Variants in PIGL observed in about 807,000 individuals in gnomAD.
PIGL encodes N-acetylglucosaminyl-phosphatidylinositol de-N-acetylase.
PIGL carries 22 observed loss-of-function variants against 31.1 expected under a neutral mutation model. That is an observed-to-expected ratio of 0.71 (90% CI 0.51 to 1.01). The LOEUF (loss-of-function observed/expected upper bound fraction) is 1.01. Ranked by LOEUF, PIGL falls within the 50% of genes least tolerant of loss-of-function variation. The pLI, the probability that PIGL is intolerant of heterozygous loss-of-function variation, is 0.00. For missense variants in PIGL, 302 were observed against 315.9 expected, an observed-to-expected ratio of 0.96 and a Z score of 0.33; for synonymous variants, 131 against 117.4, an observed-to-expected ratio of 1.12 and a Z score of -0.75.
chr17:16,294,639 C>T (rs569459684), intron 2 of PIGL, among the ~76,000 whole-genome samples: 3 of 152,260 alleles, frequency 2.0e-5, no homozygotes, highest in Non-Finnish European at 4.4e-5. Flanking sequence ...AGTAAGACAT[C>T]GCCTCTATCT....
intron 6 of PIGL, among the ~76,000 whole-genome samples, chr17:16,320,233 GGA>G (rs2093097898): frequency 1.0e-4 from 11 of 105,340 alleles, no homozygotes; most frequent in African/African-American, 4.8e-4. Flanking sequence ...AAGGAAGGAA[GGA>G]AGGAAGGAAG....
chr17:16,252,284 G>A (rs2092776067), intron 2 of PIGL, among the ~76,000 whole-genome samples: 1 of 151,922 alleles, frequency 6.6e-6, no homozygotes, highest in Admixed American at 6.6e-5. Context: ...ATGTTGGCCA[G>A]GATGGTCTCG....
Position 16,234,000 on chromosome 17 carries a change from A to G in PIGL, c.265A>G (p.Lys89Glu). The G allele has an allele frequency of 6.2e-7, 1 of 1,609,394 alleles. No homozygotes were observed. Among genetic ancestry groups the G allele is most frequent in the Non-Finnish European group, 8.5e-7 (1 of 1,175,772 alleles). The change falls in exon 2 of 7, where the codon AAG becomes GAG. Residue 89 changes from lysine (K) to glutamate (E), a missense_variant. Lys to Glu is a moderately conservative substitution (Grantham distance 56). Transcript: ENST00000225609. ...TTACTACAATCAAGGAGAGACTCGTAAGAAAGAACTTTTGCAGAGCTGTGA... is the reference window on the plus strand; with the variant it reads ...TTACTACAATCAAGGAGAGACTCGTGAGAAAGAACTTTTGCAGAGCTGTGA... ...GNYYNQGETRKKELLQSCDVL... is the reference protein window; with the variant it reads ...GNYYNQGETREKELLQSCDVL...
At chr17:16,234,621 C>T (rs768042196) in intron 2 of PIGL, among the ~76,000 whole-genome samples, 6 of 151,890 alleles carry the variant, frequency 4.0e-5, no homozygotes, top group Non-Finnish European at 7.4e-5. Context: ...AAAAATTAGC[C>T]GGGCGTATTG....
chr17:16,314,242 G>A (rs1301740589), intron 4 of PIGL, among the ~76,000 whole-genome samples: 2 of 152,128 alleles, frequency 1.3e-5, no homozygotes, highest in Non-Finnish European at 2.9e-5. Context: ...GCTTCTCCTG[G>A]GCCCCTGATC....
Position 16,217,354 on chromosome 17 carries a change from C to A in PIGL, c.128C>A (p.Thr43Asn). The change falls in exon 1 of 7, where the codon ACC becomes AAC. Residue 43 changes from threonine to asparagine, a missense_variant. Transcript: ENST00000225609. The part of the protein sequence containing the change: ...QGGRLGAESR[T>N]LLVIAHPDDE... Reference sequence around the variant, plus strand: ...GGACGGCTGGGAGCCGAAAGCCGGACCCTGCTGGTCATAGCGCACCCTGAC... The same window carrying A: ...GGACGGCTGGGAGCCGAAAGCCGGAACCTGCTGGTCATAGCGCACCCTGAC... The A allele has an allele frequency of 6.2e-7, 1 of 1,614,188 alleles. No homozygotes were observed. Among genetic ancestry groups the A allele is most frequent in the Non-Finnish European group, 8.5e-7 (1 of 1,180,044 alleles).
intron 1 of PIGL, among the ~76,000 whole-genome samples, chr17:16,221,749 A>G (rs1252690311): frequency 6.6e-6 from 1 of 152,092 alleles, no homozygotes; most frequent in African/African-American, 2.4e-5. Context: ...CCTCCCAAGT[A>G]GCTGGGATTA....
chr17:16,311,253 G>A (rs572128440), intron 3 of PIGL, among the ~76,000 whole-genome samples: 2 of 148,992 alleles, frequency 1.3e-5, no homozygotes, highest in Admixed American at 6.7e-5. Flanking sequence ...TATTATTTGA[G>A]TTAGCCTTAT....
At chr17:16,300,031 C>A in intron 3 of PIGL, 53 bp downstream of exon 3, 1 of 1,396,234 alleles carries the variant, frequency 7.2e-7, no homozygotes, top group Non-Finnish European at 1.0e-6. Flanking sequence ...CCCATTCACA[C>A]CAGGTGGTTT....
intron 3 of PIGL, among the ~76,000 whole-genome samples, chr17:16,310,593 G>A (rs188809517): frequency 4.3e-4 from 65 of 152,170 alleles, no homozygotes; most frequent in African/African-American, 1.4e-3. Context: ...CTGGAGTCCA[G>A]TGGCGTGATA....
intron 2 of PIGL, among the ~76,000 whole-genome samples, chr17:16,254,686 G>A (rs1430818945): frequency 1.3e-5 from 2 of 151,254 alleles, no homozygotes; most frequent in Admixed American, 6.6e-5. Flanking sequence ...CTCACTGCAA[G>A]CTTCGCCTCC....
At chr17:16,219,347 A>G (rs550790366) in intron 1 of PIGL, among the ~76,000 whole-genome samples, 15 of 152,282 alleles carry the variant, frequency 9.9e-5, no homozygotes, top group African/African-American at 3.4e-4. Context: ...GGCGTAAGCC[A>G]CCACACCTGG....
At chr17:16,317,516 C>T (rs1411625655) in intron 5 of PIGL, 30 of 1,218,316 alleles carry the variant, frequency 2.5e-5, no homozygotes, top group Non-Finnish European at 2.9e-5. Flanking sequence ...CAGATCTCAA[C>T]CTCTAGCAGC....
At chr17:16,282,325 C>G (rs2092919765) in intron 2 of PIGL, among the ~76,000 whole-genome samples, 1 of 152,118 alleles carries the variant, frequency 6.6e-6, no homozygotes, top group Non-Finnish European at 1.5e-5. Context: ...GACTCCATAT[C>G]CTTGTTCTTT....
At chr17:16,282,390 T>A (rs2092920086) in intron 2 of PIGL, among the ~76,000 whole-genome samples, 1 of 152,186 alleles carries the variant, frequency 6.6e-6, no homozygotes. Flanking sequence ...GAATGCTGAA[T>A]TAGAGGTAAA....
intron 2 of PIGL, among the ~76,000 whole-genome samples, chr17:16,242,056 G>T (rs1026036430): frequency 1.3e-5 from 2 of 150,760 alleles, no homozygotes; most frequent in African/African-American, 4.9e-5. Flanking sequence ...TTTCTTTGGG[G>T]TTTTTTTTTG....
intron 1 of PIGL, among the ~76,000 whole-genome samples, chr17:16,229,589 A>G (rs920929447): frequency 7.0e-6 from 1 of 143,814 alleles, no homozygotes; most frequent in Admixed American, 7.3e-5. Context: ...GTACAGTTTT[A>G]CGTTGCCACC....
At chr17:16,236,861 GC>G (rs1410465946) in intron 2 of PIGL, among the ~76,000 whole-genome samples, 5 of 151,840 alleles carry the variant, frequency 3.3e-5, no homozygotes, top group Non-Finnish European at 5.9e-5. Flanking sequence ...GAGCCACCAC[GC>G]CTGGCCGCTA....
intron 2 of PIGL, among the ~76,000 whole-genome samples, chr17:16,264,604 T>TTAC: frequency 2.4e-4 from 1 of 4,168 alleles, no homozygotes; most frequent in East Asian, 0.01. Context: ...ATCGTCATTA[T>TTAC]TATTATTATT....
Sources: gnomAD v4.1 joint callset for allele counts (sites outside exome capture counted in the v4.1 genomes callset) on GRCh38, gnomAD v4.1.1 for gene constraint, MANE v1.5 for transcripts, NCBI Gene and HGNC (gene_info 2026-07-23, HGNC 2026-07-21) for gene names.